The following RAD51B variants were observed in gnomAD, a reference collection of about 807,000 sequenced individuals.
RAD51B encodes the protein RAD51 paralog B.
RAD51B carries 38 observed loss-of-function variants against 42.2 expected under a neutral mutation model. The observed-to-expected ratio is 0.90, with a 90% CI of 0.70 to 1.18. The LOEUF (loss-of-function observed/expected upper bound fraction) is 1.18, where lower values mean the gene tolerates loss of function less well. Ranked by LOEUF, RAD51B falls within the 50% of genes most tolerant of loss-of-function variation. The probability of loss-of-function intolerance (pLI) is 0.00; values close to 1 mark genes in which losing one functional copy is unlikely to be tolerated. For synonymous variants in RAD51B, 154 were observed against 145.2 expected, an observed-to-expected ratio of 1.06 and a Z score of -0.43; for missense variants, 373 against 400.7, an observed-to-expected ratio of 0.93 and a Z score of 0.59.
At chr14:68,143,426 C>T (rs2078177688) in intron 7 of RAD51B, among the ~76,000 whole-genome samples, 1 of 152,190 alleles carries the variant, frequency 6.6e-6, no homozygotes, top group African/African-American at 2.4e-5. Context: ...GAAGAAAATA[C>T]AAATGGGCCA....
At chr14:67,978,327 A>G (rs1281180992) in intron 7 of RAD51B, among the ~76,000 whole-genome samples, 1 of 152,222 alleles carries the variant, frequency 6.6e-6, no homozygotes, top group African/African-American at 2.4e-5. Context: ...TTATCCTTAT[A>G]GTTAATGACT....
At chr14:68,210,210 C>G (rs570357225) in intron 7 of RAD51B, among the ~76,000 whole-genome samples, 2 of 152,150 alleles carry the variant, frequency 1.3e-5, no homozygotes, top group African/African-American at 4.8e-5. Context: ...TCACCTGCCT[C>G]AGCCTCCCAA....
intron 5 of RAD51B, among the ~76,000 whole-genome samples, chr14:67,867,152 G>C (rs1258181024): frequency 6.6e-6 from 1 of 152,108 alleles, no homozygotes; most frequent in Non-Finnish European, 1.5e-5. Flanking sequence ...AGTTTGTCAT[G>C]GTGGGTCATA....
At chr14:68,181,975 TA>T (rs1343824585) in intron 7 of RAD51B, among the ~76,000 whole-genome samples, 1 of 152,216 alleles carries the variant, frequency 6.6e-6, no homozygotes, top group Non-Finnish European at 1.5e-5. Context: ...CATTGCCACC[TA>T]AAGAATATAA....
chr14:68,583,601 G>A (rs964634339), intron 10 of RAD51B, among the ~76,000 whole-genome samples: 6 of 152,182 alleles, frequency 3.9e-5, no homozygotes, highest in Admixed American at 1.3e-4. Context: ...GGGGGAGCCC[G>A]CCTGGGCTGG....
At chr14:68,618,051 G>A (rs1418163187) in intron 10 of RAD51B, among the ~76,000 whole-genome samples, 2 of 152,204 alleles carry the variant, frequency 1.3e-5, no homozygotes, top group Non-Finnish European at 2.9e-5. Context: ...GGGGTTCCAA[G>A]ATATAAGGAA....
chr14:67,986,238 T>C (rs935858723), intron 7 of RAD51B, among the ~76,000 whole-genome samples: 7 of 152,216 alleles, frequency 4.6e-5, no homozygotes, highest in Non-Finnish European at 5.9e-5. Context: ...AAAATATTCA[T>C]AAGTCAAAAG....
intron 7 of RAD51B, among the ~76,000 whole-genome samples, chr14:68,020,973 TGTTA>T (rs2075854178): frequency 6.6e-6 from 1 of 151,860 alleles, no homozygotes; most frequent in African/African-American, 2.4e-5. Flanking sequence ...TAAACAGGAG[TGTTA>T]GTTCTTTCCT....
chr14:68,664,963 C>T (rs1485955002), intron 11 of RAD51B, among the ~76,000 whole-genome samples: 1 of 152,168 alleles, frequency 6.6e-6, no homozygotes, highest in African/African-American at 2.4e-5. Context: ...TCCTGAGAGC[C>T]CTAAGCCCTG....
rs192845282 is a variant in RAD51B, at chr14:67,910,337, C to T, written c.756+23133C>T. On this transcript the variant is annotated intron_variant, in intron 7 of 10. Coordinates refer to ENST00000471583, the MANE Select transcript of RAD51B (RefSeq NM_133510.4). ...AGGAGAATGGCGTGAACCCAGGAGG[C>T]GGAGCTTGCAGTGAGCCGAGATCGC... is the stretch of plus-strand genomic sequence containing the variant. Among the ~76,000 whole-genome samples the T allele has an allele frequency of 3.0e-4, 25 of 83,904 alleles. No homozygotes were observed. The East Asian group carries it at 6.9e-3, about 23-fold the overall frequency. 55.0% of individuals were successfully genotyped at this position (83,904 alleles called of 152,430 possible). A position where few individuals can be genotyped will look rare whatever the true frequency, so the allele number is the denominator to read the frequency against.
intron 11 of RAD51B, among the ~76,000 whole-genome samples, chr14:68,668,308 A>G (rs1893074972): frequency 6.6e-6 from 1 of 152,204 alleles, no homozygotes; most frequent in Admixed American, 6.5e-5. Flanking sequence ...CCACAGCCTC[A>G]TGAGAGTTTT....
intron 7 of RAD51B, among the ~76,000 whole-genome samples, chr14:68,143,533 T>C (rs1448155557): frequency 6.6e-6 from 1 of 152,266 alleles, no homozygotes; most frequent in Non-Finnish European, 1.5e-5. Context: ...AATGCTGTGC[T>C]TGCCAAACCC....
At chr14:68,407,186 ATAAAAG>A (rs1229321102) in intron 8 of RAD51B, among the ~76,000 whole-genome samples, 1 of 152,244 alleles carries the variant, frequency 6.6e-6, no homozygotes, top group Non-Finnish European at 1.5e-5. Flanking sequence ...CATAAACTAC[ATAAAAG>A]TATATATAGT....
intron 7 of RAD51B, among the ~76,000 whole-genome samples, chr14:68,226,464 G>T (rs968368595): frequency 3.9e-5 from 6 of 152,102 alleles, no homozygotes; most frequent in African/African-American, 1.4e-4. Context: ...AGAGGGACCC[G>T]GTGGGAGGTA....
intron 5 of RAD51B, among the ~76,000 whole-genome samples, chr14:67,868,177 G>T (rs2042388464): frequency 6.6e-6 from 1 of 152,186 alleles, no homozygotes; most frequent in South Asian, 2.1e-4. Flanking sequence ...GAGGTACCGG[G>T]TTCATCTCAC....
At chr14:67,897,683 C>G (rs1399334595) in intron 7 of RAD51B, among the ~76,000 whole-genome samples, 1 of 150,344 alleles carries the variant, frequency 6.7e-6, no homozygotes, top group Non-Finnish European at 1.5e-5. Context: ...GAGTTTCGCT[C>G]TTGCTACCCA....
chr14:68,254,962 A>G (rs2080721690), intron 7 of RAD51B, among the ~76,000 whole-genome samples: 1 of 152,204 alleles, frequency 6.6e-6, no homozygotes, highest in Admixed American at 6.5e-5. Flanking sequence ...CACTTCTGGA[A>G]TAATTCTCTT....
intron 7 of RAD51B, among the ~76,000 whole-genome samples, chr14:68,210,414 G>A (rs2079682684): frequency 6.6e-6 from 1 of 152,216 alleles, no homozygotes; most frequent in Non-Finnish European, 1.5e-5. Flanking sequence ...GAGCCAAATA[G>A]ATAGGACTAC....
chr14:68,120,746 C>T (rs1595428413), intron 7 of RAD51B, among the ~76,000 whole-genome samples: 1 of 152,074 alleles, frequency 6.6e-6, no homozygotes, highest in East Asian at 1.9e-4. Flanking sequence ...GGCCCGGGCT[C>T]TGTCTGCTAT....
Sources: gnomAD v4.1 joint callset for allele counts (sites outside exome capture counted in the v4.1 genomes callset) on GRCh38, gnomAD v4.1.1 for gene constraint, MANE v1.5 for transcripts, NCBI Gene and HGNC (gene_info 2026-07-23, HGNC 2026-07-21) for gene names.